PTPN13: variants seen among roughly 807,000 people sequenced by gnomAD.
PTPN13 encodes tyrosine-protein phosphatase non-receptor type 13.
In PTPN13, 191 loss-of-function variants were observed where a neutral mutation model predicts 284.0. The observed-to-expected ratio is 0.67, with a 90% CI of 0.60 to 0.76. The LOEUF (loss-of-function observed/expected upper bound fraction) is 0.76. Ranked by LOEUF, PTPN13 falls within the 30% of genes least tolerant of loss-of-function variation. The pLI is 0.00. For missense variants in PTPN13, 2,797 were observed against 2,939.9 expected (o/e 0.95, Z 1.12); for synonymous variants, 986 against 1,022.3 (o/e 0.96, Z 0.68).
intron 1 of PTPN13, among the ~76,000 whole-genome samples, chr4:86,628,792 G>C (rs1228892259): frequency 1.4e-5 from 2 of 147,406 alleles, no homozygotes; most frequent in Non-Finnish European, 3.0e-5. Flanking sequence ...TGAGAATGAT[G>C]GTTTCCAATT....
chr4:86,627,515 T>C (rs28583024), intron 1 of PTPN13, among the ~76,000 whole-genome samples: 32,421 of 151,746 alleles, frequency 0.21, 3,676 homozygotes, highest in East Asian at 0.29. Flanking sequence ...TTGGTTTTTT[T>C]TTTTCTTTTT....
At chr4:86,800,616 C>A (rs1207321330) in intron 42 of PTPN13, among the ~76,000 whole-genome samples, 2 of 150,242 alleles carry the variant, frequency 1.3e-5, no homozygotes, top group Non-Finnish European at 3.0e-5. Context: ...TGCGTCACTG[C>A]ACTCCAGCCT....
At chr4:86,699,766 C>G (rs540061444) in intron 6 of PTPN13, among the ~76,000 whole-genome samples, 10 of 152,138 alleles carry the variant, frequency 6.6e-5, no homozygotes, top group Middle Eastern at 3.4e-3. Context: ...TTTTTTAAAT[C>G]TATTGTGTTC....
At chr4:86,608,395 T>A (rs899571132) in intron 1 of PTPN13, among the ~76,000 whole-genome samples, 1 of 152,120 alleles carries the variant, frequency 6.6e-6, no homozygotes, top group Admixed American at 6.5e-5. Flanking sequence ...TAGCCAATTC[T>A]TGGAAGATTT....
At chr4:86,785,121 A>G in intron 38 of PTPN13, 110 bp from the exon 39 acceptor site, 1 of 775,792 alleles carries the variant, frequency 1.3e-6, no homozygotes, top group Non-Finnish European at 2.0e-6. Flanking sequence ...TACTTTTAAA[A>G]TTGGTTGCTT....
intron 7 of PTPN13, among the ~76,000 whole-genome samples, chr4:86,709,070 T>TACACAC (rs57695851): frequency 7.0e-4 from 105 of 149,832 alleles, no homozygotes; most frequent in Non-Finnish European, 1.3e-3. Context: ...CACACACACA[T>TACACAC]ACACACACAC....
intron 8 of PTPN13, 89 bp downstream of exon 8, chr4:86,716,714 CAGAA>C: frequency 2.0e-6 from 2 of 1,020,204 alleles, no homozygotes; most frequent in South Asian, 1.5e-5. Context: ...TATAAATTGC[CAGAA>C]AGAATAATAC....
chr4:86,619,453 T>A (rs1237644517), intron 1 of PTPN13, among the ~76,000 whole-genome samples: 1 of 152,212 alleles, frequency 6.6e-6, no homozygotes, highest in Admixed American at 6.5e-5. Flanking sequence ...TTTCAGTTTT[T>A]AAAAAATCTA....
chr4:86,602,906 G>A (rs531499063), intron 1 of PTPN13, among the ~76,000 whole-genome samples: 4 of 151,934 alleles, frequency 2.6e-5, no homozygotes, highest in East Asian at 1.9e-4. Context: ...CTTATGTTGC[G>A]CAGGCTGGTC....
intron 7 of PTPN13, among the ~76,000 whole-genome samples, chr4:86,709,943 T>C (rs1247386027): frequency 6.6e-6 from 1 of 152,210 alleles, no homozygotes; most frequent in Non-Finnish European, 1.5e-5. Context: ...TGTATGAGCT[T>C]TGTTCACCCA....
In PTPN13 at chr4:86,652,270, T is replaced by C. The variant is rs534885990; in HGVS notation, c.115+16899T>C. ...TTATTATTTTTGATGGGTTTTTCTT[T>C]TAGTCTACTAAAATATGCATGATTT... On this transcript the variant is annotated intron_variant, in intron 2 of 47. Coordinates refer to ENST00000411767, the MANE Select transcript of PTPN13 (RefSeq NM_080683.3). Among the ~76,000 whole-genome samples, 3 of 152,364 alleles carry C rather than the reference T, an allele frequency of 2.0e-5. No individual in the cohort carries two copies. In the South Asian group the frequency reaches 6.2e-4, roughly 32 times the overall value.
chr4:86,718,455 C>CTTTTTTTTT lies in PTPN13; in HGVS notation c.1385+1343_1385+1351dup, dbSNP rs796389778. On this transcript the variant is annotated intron_variant, in intron 9 of 47. Transcript: ENST00000411767. The stretch of plus-strand genomic sequence containing the variant: ...AAATTATTCTTTAGTTAATGGTCCA[C>CTTTTTTTTT]TTTTTTTTTTTTTGAGACAGAGTCT... Among the ~76,000 whole-genome samples the CTTTTTTTTT allele has an allele frequency of 3.5e-4, 49 of 140,200 alleles. 1 individual carries two copies. The highest frequency in any genetic ancestry group is 7.5e-3 in the Middle Eastern group (2 of 268). 92.0% of individuals were successfully genotyped at this position (140,200 alleles called of 152,430 possible). A position where few individuals can be genotyped will look rare whatever the true frequency, so the allele number is the denominator to read the frequency against.
intron 15 of PTPN13, 91 bp downstream of exon 15, chr4:86,735,837 C>T: frequency 8.7e-7 from 1 of 1,153,050 alleles, no homozygotes; most frequent in Non-Finnish European, 1.2e-6. Context: ...GTTCAAGTGC[C>T]AGTAACTGAT....
rs748183003 is a variant in PTPN13, at chr4:86,775,477, C to A, written c.5716C>A (p.Gln1906Lys). 2 of 1,609,126 alleles carry A rather than the reference C, an allele frequency of 1.2e-6. No individual in the cohort carries two copies. The highest frequency in any genetic ancestry group is 2.2e-5 in the South Asian group (2 of 90,902). The change falls in exon 35 of 48, where the codon CAA becomes AAA. Residue 1906 changes from glutamine to lysine, a missense_variant. Transcript: ENST00000411767. ...SLCGGHDSLY[Q>K]VVYISDINPR... ...ATGTGGAGGTCATGACAGCCTTTATCAAGTGGTATATATTAGTGATATTAA... is the reference window on the plus strand; with the variant it reads ...ATGTGGAGGTCATGACAGCCTTTATAAAGTGGTATATATTAGTGATATTAA...
chr4:86,807,143 A>G (rs1015420409), intron 44 of PTPN13, among the ~76,000 whole-genome samples: 1 of 152,172 alleles, frequency 6.6e-6, no homozygotes, highest in Non-Finnish European at 1.5e-5. Flanking sequence ...TGTTCTATGA[A>G]AAATTTTTTG....
intron 23 of PTPN13, 91 bp downstream of exon 23, chr4:86,759,164 G>A (rs551223501): frequency 3.0e-6 from 4 of 1,354,912 alleles, no homozygotes; most frequent in African/African-American, 1.5e-5. Context: ...GATTCATTGT[G>A]TACAAAATTG....
chr4:86,764,968 A>G (rs1454495178), intron 25 of PTPN13, among the ~76,000 whole-genome samples: 1 of 152,214 alleles, frequency 6.6e-6, no homozygotes, highest in Non-Finnish European at 1.5e-5. Flanking sequence ...GCTTTATCTG[A>G]ATATAAAACT....
chr4:86,672,229 A>G (rs2148892796), intron 2 of PTPN13, 136 bp from the exon 3 acceptor site: 1 of 617,078 alleles, frequency 1.6e-6, no homozygotes. Context: ...TTGATTTGGT[A>G]TATGTTAACT....
At chr4:86,608,735 G>C (rs1765017345) in intron 1 of PTPN13, among the ~76,000 whole-genome samples, 2 of 152,038 alleles carry the variant, frequency 1.3e-5, no homozygotes, top group South Asian at 4.1e-4. Context: ...TATGCACTAG[G>C]TATTTTAATA....
Sources: allele counts gnomAD v4.1 joint callset (sites outside exome capture counted in the v4.1 genomes callset), GRCh38; gene constraint gnomAD v4.1.1; transcripts MANE v1.5; gene names NCBI Gene and HGNC (gene_info 2026-07-23, HGNC 2026-07-21).